Variants in SLC1A1 observed in about 807,000 individuals in gnomAD.
The protein encoded by SLC1A1 is excitatory amino acid transporter 3.
In SLC1A1, 43 loss-of-function variants were observed where a neutral mutation model predicts 53.3. The ratio of observed to expected loss-of-function variants is 0.81; its 90% CI spans 0.63 to 1.04. The LOEUF (loss-of-function observed/expected upper bound fraction) is 1.04. Among genes scored for constraint, SLC1A1 ranks in the 50% least tolerant of loss-of-function variants. The pLI is 0.00. For synonymous variants in SLC1A1, 307 were observed against 243.2 expected, an observed-to-expected ratio of 1.26 and a Z score of -2.44; for missense variants, 748 against 664.9, an observed-to-expected ratio of 1.12 and a Z score of -1.37.
In SLC1A1 at chr9:4,576,864, C is replaced by A. The variant is rs1265129391; in HGVS notation, c.1193+101C>A. ...ACCAAGAATGTCGCAGTGATGAATTCTTTTTCTTGATCTATAAAGTCCCTT... is the reference window on the plus strand; with the variant it reads ...ACCAAGAATGTCGCAGTGATGAATTATTTTTCTTGATCTATAAAGTCCCTT... On this transcript the variant is annotated intron_variant, in intron 10 of 11. Coordinates refer to ENST00000262352, the MANE Select transcript of SLC1A1 (RefSeq NM_004170.6). 49 of 1,061,116 alleles carry A rather than the reference C, an allele frequency of 4.6e-5. 1 individual carries two copies. In the South Asian group the frequency reaches 5.6e-4, roughly 12 times the overall value. The allele number at this position is 1,061,116 out of a possible 1,614,324, so 65.7% of individuals were successfully genotyped here. A position where few individuals can be genotyped will look rare whatever the true frequency, so the allele number is the denominator to read the frequency against.
Position 4,585,325 on chromosome 9 carries a change from A to C in SLC1A1, c.1342A>C (p.Thr448Pro). The C allele has an allele frequency of 6.2e-7, 1 of 1,613,820 alleles. No individual in the cohort carries two copies. The highest frequency in any genetic ancestry group is 8.5e-7 in the Non-Finnish European group (1 of 1,179,936). The change falls in exon 12 of 12, where the codon ACC (threonine) becomes CCC (proline). Residue 448 changes from threonine (T) to proline (P), a missense_variant. Coordinates refer to ENST00000262352, the MANE Select transcript of SLC1A1 (RefSeq NM_004170.6). ...AVDWLLDRFR[T>P]MVNVLGDAFG... Reference sequence around the variant, plus strand: ...GTCTCTCCCCAGGGACCGGTTCAGGACCATGGTCAACGTCCTTGGTGATGC... The same window carrying C: ...GTCTCTCCCCAGGGACCGGTTCAGGCCCATGGTCAACGTCCTTGGTGATGC...
chr9:4,530,125 T>C (rs1411897956), intron 1 of SLC1A1, among the ~76,000 whole-genome samples: 1 of 152,110 alleles, frequency 6.6e-6, no homozygotes, highest in East Asian at 1.9e-4. Flanking sequence ...TTATTTGGGT[T>C]GATAGGAAGG....
chr9:4,575,748 G>T (rs934585999), intron 8 of SLC1A1, among the ~76,000 whole-genome samples: 8 of 152,156 alleles, frequency 5.3e-5, no homozygotes, highest in Admixed American at 5.2e-4. Flanking sequence ...ATATAATTCT[G>T]TTCTGTGAAG....
intron 1 of SLC1A1, among the ~76,000 whole-genome samples, chr9:4,526,574 A>G (rs961611946): frequency 1.3e-5 from 2 of 152,196 alleles, no homozygotes; most frequent in African/African-American, 4.8e-5. Context: ...TTTGGAAAAA[A>G]AGATCTGTGG....
In SLC1A1 at chr9:4,583,882, T is replaced by TCTCTCTCTCA. The variant is rs1423949414; in HGVS notation, c.1328+711_1328+712insTCTCTCTCAC. Among the ~76,000 whole-genome samples, 16 of 137,042 alleles carry TCTCTCTCTCA rather than the reference T, an allele frequency of 1.2e-4. No homozygotes were observed. Among genetic ancestry groups the TCTCTCTCTCA allele is most frequent in the South Asian group, 2.4e-4 (1 of 4,216 alleles). 89.9% of individuals were successfully genotyped at this position (137,042 alleles called of 152,430 possible). ...CTCTCTCTCTCTCTCTCTCTCTCTC[T>TCTCTCTCTCA]CACACACACACACACACACACACAC... On this transcript the variant is annotated intron_variant, in intron 11 of 11. Transcript: ENST00000262352. The surrounding 1 kb of genome is among the most constrained non-coding windows in gnomAD (Gnocchi z 4.6).
At chr9:4,505,027 G>A (rs546038684) in intron 1 of SLC1A1, among the ~76,000 whole-genome samples, 1 of 145,994 alleles carries the variant, frequency 6.8e-6, no homozygotes, top group East Asian at 2.0e-4. Context: ...ATGTGGGGGT[G>A]TATGTGTACA....
At chr9:4,533,471 C>T (rs908818798) in intron 1 of SLC1A1, among the ~76,000 whole-genome samples, 2 of 152,056 alleles carry the variant, frequency 1.3e-5, no homozygotes, top group Non-Finnish European at 2.9e-5. Context: ...CAAAGAAGGC[C>T]ATTACATAAT....
intron 1 of SLC1A1, among the ~76,000 whole-genome samples, chr9:4,513,305 A>T (rs563377971): frequency 1.3e-5 from 2 of 152,328 alleles, no homozygotes; most frequent in South Asian, 2.1e-4. Flanking sequence ...CATATATCCA[A>T]CTTGTCTAAA....
intron 2 of SLC1A1, among the ~76,000 whole-genome samples, chr9:4,558,092 C>T (rs938493427): frequency 6.6e-6 from 1 of 152,138 alleles, no homozygotes; most frequent in East Asian, 1.9e-4. Context: ...ATTGACATTA[C>T]TCGCAGATGG....
At chr9:4,514,205 T>C (rs139050093) in intron 1 of SLC1A1, among the ~76,000 whole-genome samples, 21 of 152,308 alleles carry the variant, frequency 1.4e-4, no homozygotes, top group Admixed American at 1.4e-3. Flanking sequence ...TACACACACA[T>C]ACAAACATGC....
intron 1 of SLC1A1, among the ~76,000 whole-genome samples, chr9:4,533,023 T>G (rs1486333320): frequency 1.3e-5 from 2 of 152,198 alleles, no homozygotes; most frequent in Admixed American, 6.5e-5. Flanking sequence ...TGAGAGATTT[T>G]GTCACCACTA....
Position 4,505,483 on chromosome 9 carries a change from GA to G in SLC1A1, c.91+14718del, listed in dbSNP as rs1820774676. ...ATGAAGGTTTAGAAATGAGCTCCCA[GA>G]AAAATAATATTTTAATATCTACAAA... On this transcript the variant is annotated intron_variant, in intron 1 of 11. Coordinates refer to ENST00000262352, the MANE Select transcript of SLC1A1 (RefSeq NM_004170.6). Among the ~76,000 whole-genome samples, 3 of 152,108 alleles carry G rather than the reference GA, an allele frequency of 2.0e-5. No individual in the cohort carries two copies. In the South Asian group the frequency reaches 6.2e-4, roughly 32 times the overall value.
intron 11 of SLC1A1, among the ~76,000 whole-genome samples, chr9:4,584,180 G>C (rs1402723019): frequency 6.6e-6 from 1 of 152,228 alleles, no homozygotes; most frequent in African/African-American, 2.4e-5. Context: ...AAGGGAAGCA[G>C]AGACATCCTA....
chr9:4,495,944 A>C (rs1193651122), intron 1 of SLC1A1, among the ~76,000 whole-genome samples: 2 of 152,076 alleles, frequency 1.3e-5, no homozygotes, highest in Non-Finnish European at 2.9e-5. Context: ...GAGTTTGAGG[A>C]GCCAGAAGGG....
chr9:4,568,562 C>T (rs1008075264), intron 6 of SLC1A1, among the ~76,000 whole-genome samples: 1 of 151,766 alleles, frequency 6.6e-6, no homozygotes, highest in African/African-American at 2.4e-5. Flanking sequence ...ATGCACAAAA[C>T]ATTTTAATAT....
chr9:4,491,194 G>GATTA (rs1476438557), intron 1 of SLC1A1, among the ~76,000 whole-genome samples: 1 of 152,232 alleles, frequency 6.6e-6, no homozygotes, highest in African/African-American at 2.4e-5. Flanking sequence ...ATTGAGTGTG[G>GATTA]ATTACAGTTC....
intron 1 of SLC1A1, among the ~76,000 whole-genome samples, chr9:4,511,566 T>TACACACACACACACACACAC (rs113277990): frequency 6.2e-5 from 9 of 146,238 alleles, no homozygotes; most frequent in African/African-American, 2.3e-4. Flanking sequence ...TTAAGAATTC[T>TACACACACACACACACACAC]ACACACACAC....
At chr9:4,544,787 A>G in intron 2 of SLC1A1, 80 bp downstream of exon 2, 3 of 1,209,626 alleles carry the variant, frequency 2.5e-6, no homozygotes, top group Non-Finnish European at 3.6e-6. Flanking sequence ...TAGGTAATTT[A>G]TAAAGGAAAG....
intron 2 of SLC1A1, among the ~76,000 whole-genome samples, chr9:4,561,241 G>A (rs956838411): frequency 6.6e-6 from 1 of 152,218 alleles, no homozygotes; most frequent in Non-Finnish European, 1.5e-5. Context: ...GAAGCTGCCT[G>A]CAGGGGAACT....
Sources: allele counts gnomAD v4.1 joint callset (sites outside exome capture counted in the v4.1 genomes callset), GRCh38; gene constraint gnomAD v4.1.1; non-coding constraint Gnocchi (gnomAD v3.1); transcripts MANE v1.5; gene names NCBI Gene and HGNC (gene_info 2026-07-23, HGNC 2026-07-21).